GDPD4: variants seen among roughly 807,000 people sequenced by gnomAD.
GDPD4 encodes glycerophosphodiester phosphodiesterase domain containing 4.
A neutral mutation model predicts 67.8 loss-of-function variants in GDPD4; 60 were observed. That is an observed-to-expected ratio of 0.88 (90% confidence interval 0.72 to 1.10). The LOEUF (loss-of-function observed/expected upper bound fraction) is 1.10, where lower values mean the gene tolerates loss of function less well. GDPD4 is among the 50% of genes least tolerant of loss of function. The pLI, the probability that GDPD4 is intolerant of heterozygous loss-of-function variation, is 0.00. For missense variants in GDPD4, 623 were observed against 613.9 expected, an observed-to-expected ratio of 1.01 and a Z score of -0.16; for synonymous variants, 212 against 210.9, an observed-to-expected ratio of 1.00 and a Z score of -0.04.
At chr11:77,229,508 G>T (rs1268143012) in intron 14 of GDPD4, among the ~76,000 whole-genome samples, 1 of 152,196 alleles carries the variant, frequency 6.6e-6, no homozygotes, top group Non-Finnish European at 1.5e-5. Flanking sequence ...GGCAGAGGGG[G>T]TCCCAGAGAA....
chr11:77,239,270 T>C (rs1340314011), intron 13 of GDPD4, among the ~76,000 whole-genome samples: 1 of 152,214 alleles, frequency 6.6e-6, no homozygotes, highest in African/African-American at 2.4e-5. Flanking sequence ...AAGCTTTTCC[T>C]CTAAGATCAG....
intron 11 of GDPD4, 70 bp downstream of exon 11, chr11:77,258,316 T>C (rs900033012): frequency 6.9e-7 from 1 of 1,452,484 alleles, no homozygotes; most frequent in Non-Finnish European, 9.6e-7. Context: ...TGGCCTTTAT[T>C]TTCAGGAGCA....
chr11:77,244,518 A>G (rs920064451), intron 12 of GDPD4, among the ~76,000 whole-genome samples: 4 of 152,162 alleles, frequency 2.6e-5, no homozygotes, highest in Non-Finnish European at 5.9e-5. Context: ...GAGAATCAAA[A>G]ACATCTTTCT....
At chr11:77,257,115 G>A (rs115363651) in intron 11 of GDPD4, among the ~76,000 whole-genome samples, 3 of 152,084 alleles carry the variant, frequency 2.0e-5, no homozygotes, top group Non-Finnish European at 2.9e-5. Context: ...CACTACTACC[G>A]TATAAGTGAG....
intron 10 of GDPD4, among the ~76,000 whole-genome samples, chr11:77,260,898 C>T (rs1048198855): frequency 1.3e-5 from 2 of 151,944 alleles, no homozygotes; most frequent in African/African-American, 4.8e-5. Context: ...AAGAATGAGG[C>T]ATCAGTGACC....
intron 13 of GDPD4, among the ~76,000 whole-genome samples, chr11:77,242,514 C>A (rs993557935): frequency 6.6e-6 from 1 of 152,024 alleles, no homozygotes; most frequent in Admixed American, 6.6e-5. Context: ...AGAAAACTGA[C>A]AATTAGAAAC....
chr11:77,254,234 T>C (rs1958960359), intron 11 of GDPD4, among the ~76,000 whole-genome samples: 1 of 152,024 alleles, frequency 6.6e-6, no homozygotes, highest in Non-Finnish European at 1.5e-5. Flanking sequence ...CCAATAGGGG[T>C]CCAAGCTGTT....
rs186121035 is a variant in GDPD4 at position 77,249,824 on chromosome 11, C to T, written c.865-4322G>A. 1.2e-3 allele frequency among the ~76,000 whole-genome samples: 187 copies of T among 152,290 alleles called. 2 individuals carry two copies. Among genetic ancestry groups the T allele is most frequent in the Middle Eastern group, 6.8e-3 (2 of 294 alleles). On this transcript the variant is annotated intron_variant, in intron 11 of 16. Transcript: ENST00000315938. ...TGTAGGCATTTATTGCTATAAACTT[C>T]ACTCTTAACACTGCTTTTGCTATAT...
At chr11:77,297,351 G>A (rs578244486) in intron 1 of GDPD4, among the ~76,000 whole-genome samples, 35 of 151,632 alleles carry the variant, frequency 2.3e-4, no homozygotes, top group African/African-American at 7.7e-4. Flanking sequence ...TCAAGACCAC[G>A]GTAAAACCCT....
chr11:77,290,369 A>C (rs1191567700), intron 1 of GDPD4, among the ~76,000 whole-genome samples: 1 of 152,228 alleles, frequency 6.6e-6, no homozygotes. Context: ...GTTAGGTCAC[A>C]AAACAAGTCT....
chr11:77,289,500 G>C (rs929784454), intron 1 of GDPD4, among the ~76,000 whole-genome samples: 1 of 146,652 alleles, frequency 6.8e-6, no homozygotes, highest in Non-Finnish European at 1.5e-5. Flanking sequence ...GGCAGGGGGT[G>C]GGGGGAATCA....
intron 4 of GDPD4, among the ~76,000 whole-genome samples, 176 bp downstream of exon 4, chr11:77,279,130 C>T (rs566870156): frequency 1.3e-5 from 2 of 152,216 alleles, no homozygotes; most frequent in Non-Finnish European, 2.9e-5. Context: ...CGTCCTTCCA[C>T]GTCCTATTCC....
At chr11:77,258,279 G>A (rs915248499) in intron 11 of GDPD4, 107 bp downstream of exon 11, 11 of 1,072,962 alleles carry the variant, frequency 1.0e-5, no homozygotes, top group Admixed American at 7.6e-5. Context: ...GGATGAAATC[G>A]TGTGGATACT....
chr11:77,260,497 TAAAAC>T (rs1959096212), intron 10 of GDPD4, among the ~76,000 whole-genome samples: 1 of 151,986 alleles, frequency 6.6e-6, no homozygotes, highest in Non-Finnish European at 1.5e-5. Flanking sequence ...CCCAACAATG[TAAAAC>T]TACAAGTCCA....
At chr11:77,218,078 C>G (rs1002166923) in intron 16 of GDPD4, among the ~76,000 whole-genome samples, 13 of 147,450 alleles carry the variant, frequency 8.8e-5, no homozygotes, top group African/African-American at 3.3e-4. Context: ...GAAGAAACAG[C>G]TACAAACATG....
chr11:77,249,772 T>G (rs904707094), intron 11 of GDPD4, among the ~76,000 whole-genome samples: 1 of 152,214 alleles, frequency 6.6e-6, no homozygotes, highest in East Asian at 1.9e-4. Context: ...TTATGTTGCT[T>G]ATTTGAAATC....
Position 77,243,780 on chromosome 11 carries a change from G to GCCCA in GDPD4, c.1151_1154dup (p.Arg386GlyfsTer7). ...CAAGGGTTTCAATGGATACTAAACGGCCCACATGCTGAAAACCAGGAGCCA... is the reference window on the plus strand; with the variant it reads ...CAAGGGTTTCAATGGATACTAAACGGCCCACCCACATGCTGAAAACCAGGAGCCA... On this transcript the variant is annotated frameshift_variant, in exon 13 of 17. Coordinates refer to ENST00000315938, the MANE Select transcript of GDPD4 (RefSeq NM_182833.3). LOFTEE classifies it high-confidence loss of function. The GCCCA allele has an allele frequency of 1.2e-6, 2 of 1,612,696 alleles. No homozygotes were observed. Among genetic ancestry groups the GCCCA allele is most frequent in the Non-Finnish European group, 1.7e-6 (2 of 1,178,760 alleles).
At chr11:77,230,224 C>T (rs568792458) in intron 14 of GDPD4, among the ~76,000 whole-genome samples, 2 of 152,070 alleles carry the variant, frequency 1.3e-5, no homozygotes, top group Non-Finnish European at 2.9e-5. Flanking sequence ...GCTGATTGCT[C>T]CAAGAGGCCT....
At chr11:77,262,852 T>C (rs1481567522) in intron 10 of GDPD4, among the ~76,000 whole-genome samples, 1 of 20,472 alleles carries the variant, frequency 4.9e-5, no homozygotes, top group Non-Finnish European at 7.4e-5. Flanking sequence ...CTTTCTCTGC[T>C]GCAAAAAAAA....
Sources: allele counts gnomAD v4.1 joint callset (sites outside exome capture counted in the v4.1 genomes callset), GRCh38; gene constraint gnomAD v4.1.1; transcripts MANE v1.5; gene names NCBI Gene and HGNC (gene_info 2026-07-23, HGNC 2026-07-21).